Variants in DOCK2 observed in about 807,000 individuals in gnomAD.
DOCK2 encodes the protein dedicator of cytokinesis protein 2.
Under a neutral mutation model 248.9 loss-of-function variants are expected in DOCK2, and 87 were observed. The ratio of observed to expected loss-of-function variants is 0.35; its 90% CI spans 0.29 to 0.42. The LOEUF is 0.42. Ranked by LOEUF, DOCK2 falls within the 10% of genes least tolerant of loss-of-function variation. DOCK2 has a pLI of 1.00. For synonymous variants in DOCK2, 805 were observed against 821.6 expected (o/e 0.98, Z 0.35); for missense variants, 1,747 against 2,300.2 (o/e 0.76, Z 4.92).
At chr5:170,038,696 G>A (rs1377263688) in intron 36 of DOCK2, among the ~76,000 whole-genome samples, 1 of 152,204 alleles carries the variant, frequency 6.6e-6, no homozygotes, top group East Asian at 1.9e-4. Flanking sequence ...AGGTGCTTGA[G>A]TTTGGTATCC....
At position 169,674,462 on chromosome 5, in the gene DOCK2, C is replaced by T; in HGVS notation, c.470+17C>T. On this transcript the variant is annotated intron_variant, in intron 6 of 51. Transcript: ENST00000520908. ...TGGCAACAAGTAACCTCTCTTTCCTCTGCAAAGAGGTTTTCTTCCCCCAGC... is the reference window on the plus strand; with the variant it reads ...TGGCAACAAGTAACCTCTCTTTCCTTTGCAAAGAGGTTTTCTTCCCCCAGC... The T allele has an allele frequency of 6.2e-7, 1 of 1,613,588 alleles. No homozygotes were observed. The highest frequency in any genetic ancestry group is 8.5e-7 in the Non-Finnish European group (1 of 1,179,678).
At chr5:169,880,964 G>A (rs80216998) in intron 27 of DOCK2, among the ~76,000 whole-genome samples, 9,189 of 152,294 alleles carry the variant, frequency 0.06, 349 homozygotes, top group Non-Finnish European at 0.086. Context: ...GGAAGAGGCA[G>A]TGTGGTGGAA....
chr5:169,692,712 C>G (rs1037155584), intron 9 of DOCK2, among the ~76,000 whole-genome samples: 9 of 152,176 alleles, frequency 5.9e-5, no homozygotes, highest in Non-Finnish European at 1.3e-4. Context: ...TTCATGCAAA[C>G]AAGAGAAATG....
chr5:170,041,995 T>C lies in DOCK2; in HGVS notation c.3757-18T>C, dbSNP rs372904413. On this transcript the variant is annotated intron_variant, in intron 37 of 51. Coordinates refer to ENST00000520908, the MANE Select transcript of DOCK2 (RefSeq NM_004946.3). ...AGCCTCTCGGCCCTGTGTGACTTCC[T>C]GTGTCTTCTCTTCACAGTGGTCGGA... 1.2e-6 allele frequency: 2 copies of C among 1,611,598 alleles called. No homozygotes were observed. The highest frequency in any genetic ancestry group is 1.3e-5 in the African/African-American group (1 of 74,848).
At chr5:170,027,598 C>T (rs1755963918) in intron 33 of DOCK2, among the ~76,000 whole-genome samples, 1 of 152,196 alleles carries the variant, frequency 6.6e-6, no homozygotes, top group Non-Finnish European at 1.5e-5. Context: ...ACTCTCCTCC[C>T]TCTCTCCCTC....
At chr5:169,672,144 T>G (rs1315794357) in intron 5 of DOCK2, among the ~76,000 whole-genome samples, 1 of 152,008 alleles carries the variant, frequency 6.6e-6, no homozygotes, top group Non-Finnish European at 1.5e-5. Flanking sequence ...GTAGCTGGGA[T>G]TACAGGTGCC....
chr5:169,728,496 CAGGA>C (rs1225880386), intron 22 of DOCK2, among the ~76,000 whole-genome samples: 1 of 152,088 alleles, frequency 6.6e-6, no homozygotes, highest in Non-Finnish European at 1.5e-5. Flanking sequence ...ATTGTCATTC[CAGGA>C]ACCAGGAAGG....
At chr5:169,683,552 A>G (rs977188015) in intron 7 of DOCK2, among the ~76,000 whole-genome samples, 2 of 152,196 alleles carry the variant, frequency 1.3e-5, no homozygotes, top group African/African-American at 2.4e-5. Flanking sequence ...TCTACCAGCA[A>G]TATATGAGAG....
intron 30 of DOCK2, among the ~76,000 whole-genome samples, chr5:170,001,570 A>G (rs1033419531): frequency 6.6e-5 from 10 of 152,182 alleles, no homozygotes; most frequent in African/African-American, 2.4e-4. Flanking sequence ...CAGTTTCCTG[A>G]TCTCTAAAAT....
rs1468186675 is a variant in DOCK2 at position 169,651,905 on chromosome 5, G to C, written c.44-2498G>C. Among the ~76,000 whole-genome samples, 4 of 152,222 alleles carry C rather than the reference G, an allele frequency of 2.6e-5. 1 individual carries two copies. Among genetic ancestry groups the C allele is most frequent in the Admixed American group, 2.0e-4 (3 of 15,288 alleles). ...GTTGGTTGCAAAGTGCAGGAAAGGA[G>C]ATTTAAAGGCTACACAAAGCTCTGG... On this transcript the variant is annotated intron_variant, in intron 1 of 51. Coordinates refer to ENST00000520908, the MANE Select transcript of DOCK2 (RefSeq NM_004946.3).
chr5:170,049,057 C>T (rs570440945), intron 40 of DOCK2, among the ~76,000 whole-genome samples: 2 of 152,300 alleles, frequency 1.3e-5, no homozygotes, highest in East Asian at 1.9e-4. Flanking sequence ...GCTTCCCAAA[C>T]CTGGCTGTAC....
intron 22 of DOCK2, among the ~76,000 whole-genome samples, chr5:169,737,473 T>G (rs1442585533): frequency 6.6e-6 from 1 of 152,150 alleles, no homozygotes; most frequent in Non-Finnish European, 1.5e-5. Context: ...TGTCCTAGAA[T>G]CCTTAGAATC....
intron 9 of DOCK2, among the ~76,000 whole-genome samples, chr5:169,692,455 A>G (rs1428175193): frequency 1.1e-4 from 17 of 151,250 alleles, no homozygotes; most frequent in Admixed American, 1.1e-3. Context: ...CCTCCAGAGA[A>G]TATAATGTGA....
At chr5:169,936,875 C>G (rs953592581) in intron 27 of DOCK2, among the ~76,000 whole-genome samples, 2 of 152,178 alleles carry the variant, frequency 1.3e-5, no homozygotes, top group East Asian at 1.9e-4. Flanking sequence ...TATAACGACA[C>G]CCTTCACTTA....
chr5:169,775,929 C>T (rs567233739), intron 25 of DOCK2, among the ~76,000 whole-genome samples: 88 of 151,700 alleles, frequency 5.8e-4, no homozygotes, highest in African/African-American at 1.9e-3. Flanking sequence ...TGGACCACAC[C>T]GAGACCTCTG....
At chr5:169,944,278 G>A (rs1044777128) in intron 27 of DOCK2, among the ~76,000 whole-genome samples, 6 of 152,186 alleles carry the variant, frequency 3.9e-5, no homozygotes, top group African/African-American at 1.4e-4. Context: ...CATGCACAGA[G>A]GTGTCTGAAA....
intron 3 of DOCK2, among the ~76,000 whole-genome samples, chr5:169,670,061 G>A (rs931474077): frequency 2.6e-5 from 4 of 152,192 alleles, no homozygotes; most frequent in South Asian, 2.1e-4. Context: ...TAGCCCAAAT[G>A]CACCTAGGAA....
intron 27 of DOCK2, among the ~76,000 whole-genome samples, chr5:169,940,658 C>A (rs1776204465): frequency 6.6e-6 from 1 of 152,196 alleles, no homozygotes; most frequent in African/African-American, 2.4e-5. Flanking sequence ...AGATCCCTCA[C>A]ATGCACAGTT....
chr5:169,813,885 G>C (rs116033350), intron 26 of DOCK2, among the ~76,000 whole-genome samples: 19 of 152,314 alleles, frequency 1.2e-4, no homozygotes, highest in African/African-American at 4.3e-4. Flanking sequence ...GCTTAAACTA[G>C]ATGGCCAATC....
Sources: allele counts gnomAD v4.1 joint callset (sites outside exome capture counted in the v4.1 genomes callset), GRCh38; gene constraint gnomAD v4.1.1; transcripts MANE v1.5; gene names NCBI Gene and HGNC (gene_info 2026-07-23, HGNC 2026-07-21).